The following DCBLD2 variants were observed in gnomAD, a reference collection of about 807,000 sequenced individuals.
DCBLD2 encodes discoidin, CUB and LCCL domain containing 2.
Under a neutral mutation model 86.8 loss-of-function variants are expected in DCBLD2, and 54 were observed. The ratio of observed to expected loss-of-function variants is 0.62; its 90% confidence interval spans 0.50 to 0.78. DCBLD2 has a LOEUF of 0.78. Ranked by LOEUF, DCBLD2 falls within the 30% of genes least tolerant of loss-of-function variation. The pLI, the probability that DCBLD2 is intolerant of heterozygous loss-of-function variation, is 0.00. For missense variants in DCBLD2, 908 were observed against 954.2 expected (o/e 0.95, Z 0.64); for synonymous variants, 354 against 341.3 (o/e 1.04, Z -0.41).
chr3:98,809,323 T>C (rs1941893605), intron 12 of DCBLD2, among the ~76,000 whole-genome samples: 1 of 126,626 alleles, frequency 7.9e-6, no homozygotes, highest in African/African-American at 3.0e-5. Flanking sequence ...GCAATGAGTC[T>C]AACCTGCACC....
intron 9 of DCBLD2, chr3:98,814,560 A>C (rs1941989386): frequency 6.6e-6 from 1 of 152,194 alleles, no homozygotes; most frequent in Non-Finnish European, 1.5e-5. Context: ...ACCACACATA[A>C]ATATGGCATA....
chr3:98,800,776 G>T (rs762725146), intron 14 of DCBLD2, 60 bp from the exon 15 acceptor site: 3 of 1,602,118 alleles, frequency 1.9e-6, no homozygotes, highest in African/African-American at 1.4e-5. Flanking sequence ...TCAAACAGTA[G>T]TATCAAGAGA....
chr3:98,880,387 T>C (rs1026466311), intron 2 of DCBLD2, among the ~76,000 whole-genome samples: 1 of 152,252 alleles, frequency 6.6e-6, no homozygotes, highest in African/African-American at 2.4e-5. Flanking sequence ...GAATTCCTAA[T>C]TTTATAATGT....
At chr3:98,826,164 TA>T (rs5851139) in intron 3 of DCBLD2, among the ~76,000 whole-genome samples, 3 of 150,586 alleles carry the variant, frequency 2.0e-5, no homozygotes, top group African/African-American at 7.3e-5. Flanking sequence ...TGGCTTTGGT[TA>T]AAAAAAAAGC....
chr3:98,836,676 C>T (rs1295252653), intron 3 of DCBLD2, among the ~76,000 whole-genome samples: 4 of 113,892 alleles, frequency 3.5e-5, no homozygotes, highest in Admixed American at 2.5e-4. Context: ...GGCGGCCGGG[C>T]AGAGGCGCCC....
chr3:98,837,901 G>T (rs1298458622), intron 3 of DCBLD2, among the ~76,000 whole-genome samples: 8,978 of 89,338 alleles, frequency 0.1, 18 homozygotes, highest in Non-Finnish European at 0.13. Context: ...GGATGGGGCG[G>T]CTGGCCGGGT....
At chr3:98,893,800 G>C (rs1201116536) in intron 1 of DCBLD2, among the ~76,000 whole-genome samples, 1 of 152,198 alleles carries the variant, frequency 6.6e-6, no homozygotes, top group Middle Eastern at 3.2e-3. Flanking sequence ...TGATAAAGAG[G>C]AAGAGGACAA....
At position 98,798,999 on chromosome 3, in the gene DCBLD2, G is replaced by A. The variant is rs3796133; in HGVS notation, c.*373C>T. ...CATTAGGTATTTCAAGAACAGTACC[G>A]TGCGTTATTGCCAGTCAGGCTTACA... On this transcript the variant is annotated 3_prime_UTR_variant, in exon 16 of 16. Coordinates refer to ENST00000326840, the MANE Select transcript of DCBLD2 (RefSeq NM_080927.4). The A allele has an allele frequency of 0.05, 8,992 of 179,372 alleles. 238 individuals carry two copies. Among genetic ancestry groups the A allele is most frequent in the African/African-American group, 0.067 (2,834 of 42,018 alleles). The allele number at this position is 179,372 out of a possible 1,614,324, so 11.1% of individuals were successfully genotyped here.
intron 3 of DCBLD2, among the ~76,000 whole-genome samples, chr3:98,833,595 TTGAAG>T (rs1559778206): frequency 6.6e-6 from 1 of 152,182 alleles, no homozygotes; most frequent in East Asian, 1.9e-4. Context: ...CTGCCTCTAA[TTGAAG>T]TGGTCAGGTG....
intron 2 of DCBLD2, among the ~76,000 whole-genome samples, chr3:98,872,646 C>T (rs1320657471): frequency 2.0e-5 from 3 of 151,918 alleles, no homozygotes; most frequent in African/African-American, 7.3e-5. Context: ...ATAAAGAATA[C>T]CATTAAAAAT....
At chr3:98,840,289 C>T (rs763327482) in intron 3 of DCBLD2, among the ~76,000 whole-genome samples, 2 of 151,900 alleles carry the variant, frequency 1.3e-5, no homozygotes, top group Non-Finnish European at 2.9e-5. Context: ...CATATATATT[C>T]GAAGAATTGG....
At chr3:98,850,660 G>T (rs184066188) in intron 2 of DCBLD2, among the ~76,000 whole-genome samples, 13 of 152,256 alleles carry the variant, frequency 8.5e-5, no homozygotes, top group Admixed American at 8.5e-4. Flanking sequence ...AACATCACTT[G>T]AATAAGAGTA....
chr3:98,867,960 G>A (rs185878204), intron 2 of DCBLD2, among the ~76,000 whole-genome samples: 122 of 152,062 alleles, frequency 8.0e-4, no homozygotes, highest in Non-Finnish European at 1.4e-3. Flanking sequence ...CTGCCACCGC[G>A]CCCGGCTACT....
In DCBLD2 at chr3:98,819,338, A is replaced by C. The variant is rs1237615151; in HGVS notation, c.951T>G (p.Thr317=). The C allele has an allele frequency of 6.2e-7, 1 of 1,613,666 alleles. No homozygotes were observed. Among genetic ancestry groups the C allele is most frequent in the Admixed American group, 1.7e-5 (1 of 59,982 alleles). Residue 317 remains threonine, a synonymous_variant, in exon 8 of 16, where the codon ACT becomes ACG. Transcript: ENST00000326840. ...AACTGTTCTCTTGCCCTGTGTGGTC[A>C]GTCCACTCCAGCACAGATGATGCTG... ...QITASSVLEW[T]DHTGQENSWK...
chr3:98,803,969 G>C (rs1020837245), intron 13 of DCBLD2, among the ~76,000 whole-genome samples: 1 of 152,114 alleles, frequency 6.6e-6, no homozygotes, highest in Non-Finnish European at 1.5e-5. Context: ...GAGGATTTTT[G>C]CATCGATTTT....
intron 1 of DCBLD2, among the ~76,000 whole-genome samples, chr3:98,883,276 A>G (rs1334308502): frequency 1.3e-5 from 2 of 152,222 alleles, no homozygotes; most frequent in African/African-American, 4.8e-5. Flanking sequence ...ATTACTGACT[A>G]TTACAGACTA....
chr3:98,826,762 T>A (rs1354013905), intron 3 of DCBLD2, among the ~76,000 whole-genome samples: 1 of 152,214 alleles, frequency 6.6e-6, no homozygotes, highest in Non-Finnish European at 1.5e-5. Context: ...TTTGGCTAAG[T>A]CCAGTTATTT....
chr3:98,836,915 G>A (rs111499661), intron 3 of DCBLD2, among the ~76,000 whole-genome samples: 8 of 75,014 alleles, frequency 1.1e-4, no homozygotes, highest in East Asian at 6.8e-4. Flanking sequence ...CTGGCCGGGC[G>A]GGGGGCTGAC....
chr3:98,870,937 T>C (rs750205858), intron 2 of DCBLD2, among the ~76,000 whole-genome samples: 6 of 152,050 alleles, frequency 3.9e-5, no homozygotes, highest in Non-Finnish European at 5.9e-5. Flanking sequence ...TTTCTATTTG[T>C]TTGTATCATC....
Sources: gnomAD v4.1 joint callset for allele counts (sites outside exome capture counted in the v4.1 genomes callset) on GRCh38, gnomAD v4.1.1 for gene constraint, MANE v1.5 for transcripts, NCBI Gene and HGNC (gene_info 2026-07-23, HGNC 2026-07-21) for gene names.